Variants in XPO4 observed in about 807,000 individuals in gnomAD.
XPO4 encodes the protein exportin 4, also known as exportin-4.
Under a neutral mutation model 143.0 loss-of-function variants are expected in XPO4, and 39 were observed. The ratio of observed to expected loss-of-function variants is 0.27; its 90% confidence interval spans 0.21 to 0.36. The LOEUF is 0.36. Ranked by LOEUF, XPO4 falls within the 10% of genes least tolerant of loss-of-function variation. The pLI is 1.00. For missense variants in XPO4, 907 were observed against 1,348.0 expected (o/e 0.67, Z 5.12); for synonymous variants, 439 against 474.0 (o/e 0.93, Z 0.96).
At chr13:20,845,216 T>C (rs892939339) in intron 4 of XPO4, among the ~76,000 whole-genome samples, 1 of 152,170 alleles carries the variant, frequency 6.6e-6, no homozygotes, top group Non-Finnish European at 1.5e-5. Context: ...ATTTGCCTCT[T>C]AATCTCAACT....
chr13:20,849,393 A>G, intron 4 of XPO4: 2 of 984,984 alleles, frequency 2.0e-6, no homozygotes, highest in Non-Finnish European at 2.4e-6. Context: ...AAACAGCTTT[A>G]AAGTGATTTA....
chr13:20,870,713 G>A (rs368263065), intron 1 of XPO4, among the ~76,000 whole-genome samples: 8 of 145,584 alleles, frequency 5.5e-5, no homozygotes, highest in Admixed American at 3.4e-4. Flanking sequence ...CTAGGTGACA[G>A]AGTAAGACTC....
At chr13:20,888,538 G>C (rs1332339178) in intron 1 of XPO4, among the ~76,000 whole-genome samples, 1 of 151,946 alleles carries the variant, frequency 6.6e-6, no homozygotes, top group Non-Finnish European at 1.5e-5. Flanking sequence ...TTTATTTTTT[G>C]TAGAGACAGA....
chr13:20,826,826 G>A (rs1022341626), intron 7 of XPO4, among the ~76,000 whole-genome samples: 6 of 152,120 alleles, frequency 3.9e-5, no homozygotes, highest in African/African-American at 9.7e-5. Context: ...GAGTATAGAG[G>A]GGTCCTGAAA....
At chr13:20,786,707 A>G (rs2059211002) in intron 22 of XPO4, among the ~76,000 whole-genome samples, 1 of 152,154 alleles carries the variant, frequency 6.6e-6, no homozygotes, top group Admixed American at 6.5e-5. Flanking sequence ...GCTTTGGGGC[A>G]GTGACCATTG....
chr13:20,797,254 A>ATTC (rs2059371069), intron 16 of XPO4, among the ~76,000 whole-genome samples, 197 bp from the exon 17 acceptor site: 1 of 152,198 alleles, frequency 6.6e-6, no homozygotes, highest in South Asian at 2.1e-4. Context: ...AAGCCAGAAC[A>ATTC]CCCAAAGCAT....
chr13:20,832,238 G>A (rs1190412178), intron 6 of XPO4, among the ~76,000 whole-genome samples: 1 of 152,158 alleles, frequency 6.6e-6, no homozygotes, highest in Non-Finnish European at 1.5e-5. Context: ...TCTGTCTCAA[G>A]TTCTCATACA....
rs897873591 is a variant in XPO4, at chr13:20,809,724, G to A, written c.1350+67C>T. 30 of 1,486,030 alleles carry A rather than the reference G, an allele frequency of 2.0e-5. 1 individual carries two copies. In the African/African-American group the frequency reaches 3.5e-4, roughly 17 times the overall value. The allele number at this position is 1,486,030 out of a possible 1,614,324, so 92.1% of individuals were successfully genotyped here. ...TCCTAAATTTCTGGCATTATATAAT[G>A]TGTAACATGGTAAAATATAGCCTAT... is the stretch of plus-strand genomic sequence containing the variant. On this transcript the variant is annotated intron_variant, in intron 10 of 22. Coordinates refer to ENST00000255305, the MANE Select transcript of XPO4 (RefSeq NM_022459.5).
At chr13:20,833,354 C>T (rs2059876111) in intron 6 of XPO4, among the ~76,000 whole-genome samples, 1 of 152,102 alleles carries the variant, frequency 6.6e-6, no homozygotes, top group Non-Finnish European at 1.5e-5. Context: ...GGACTGGTTC[C>T]AGGACCTCCC....
chr13:20,873,759 T>C (rs756316218), intron 1 of XPO4, among the ~76,000 whole-genome samples: 3 of 152,206 alleles, frequency 2.0e-5, no homozygotes, highest in East Asian at 3.8e-4. Flanking sequence ...GCTCGTCTAG[T>C]AGCTGGGACT....
At chr13:20,825,011 C>A (rs1298863556) in intron 7 of XPO4, among the ~76,000 whole-genome samples, 1 of 152,010 alleles carries the variant, frequency 6.6e-6, no homozygotes, top group Non-Finnish European at 1.5e-5. Flanking sequence ...AAAGAGAGAG[C>A]CACAGGAAAG....
chr13:20,854,535 G>GAT, intron 4 of XPO4, among the ~76,000 whole-genome samples: 1 of 152,282 alleles, frequency 6.6e-6, no homozygotes, highest in African/African-American at 2.4e-5. Context: ...TCTTTAAAAT[G>GAT]ATTAAATAAA....
chr13:20,858,609 T>C lies in XPO4; in HGVS notation c.318-2844A>G, dbSNP rs140131004. Among the ~76,000 whole-genome samples the C allele has an allele frequency of 1.2e-3, 176 of 152,200 alleles. 1 individual carries two copies. The highest frequency in any genetic ancestry group is 1.9e-3 in the Non-Finnish European group (129 of 68,006). On this transcript the variant is annotated intron_variant, in intron 3 of 22. Coordinates refer to ENST00000255305, the MANE Select transcript of XPO4 (RefSeq NM_022459.5). ...TATGTAAGCCAGGTGTGGTGGCTCATGCCTGTAATCTTAGCACTTAGGGAG... is the reference window on the plus strand; with the variant it reads ...TATGTAAGCCAGGTGTGGTGGCTCACGCCTGTAATCTTAGCACTTAGGGAG...
chr13:20,787,651 A>T, intron 20 of XPO4, 53 bp from the exon 21 acceptor site: 1 of 1,504,044 alleles, frequency 6.6e-7, no homozygotes, highest in South Asian at 1.1e-5. Context: ...GATTTATAAA[A>T]GATAAAAAAA....
At chr13:20,835,810 C>T (rs151321954) in intron 6 of XPO4, among the ~76,000 whole-genome samples, 1 of 152,248 alleles carries the variant, frequency 6.6e-6, no homozygotes, top group Non-Finnish European at 1.5e-5. Flanking sequence ...CCACTTCTGT[C>T]TCTACTATCA....
At chr13:20,840,136 T>C (rs1174562849) in intron 6 of XPO4, among the ~76,000 whole-genome samples, 1 of 152,152 alleles carries the variant, frequency 6.6e-6, no homozygotes, top group African/African-American at 2.4e-5. Flanking sequence ...TCAAAATATT[T>C]AACACTAAAT....
At chr13:20,851,063 A>G (rs1168874266) in intron 4 of XPO4, 1 of 985,264 alleles carries the variant, frequency 1.0e-6, no homozygotes, top group Non-Finnish European at 1.2e-6. Context: ...CCTTTCTTAC[A>G]GAGGTTTTAA....
Position 20,868,657 on chromosome 13 carries a change from C to G in XPO4, c.114G>C (p.Glu38Asp). ...ATTTCCTAAATGATAAGAATATGTGCTCTGCATGCTGGCGTTGTTCATTAT... is the reference window on the plus strand; with the variant it reads ...ATTTCCTAAATGATAAGAATATGTGGTCTGCATGCTGGCGTTGTTCATTAT... ...MVNNEQRQHA[E>D]HIFLSFRKSK... The change falls in exon 2 of 23, where the codon GAG (glutamate) becomes GAC (aspartate). Residue 38 changes from glutamate (E) to aspartate (D), a missense_variant. Glu to Asp is a conservative substitution (Grantham distance 45, BLOSUM62 2). Coordinates refer to ENST00000255305, the MANE Select transcript of XPO4 (RefSeq NM_022459.5). The G allele has an allele frequency of 1.2e-6, 2 of 1,613,162 alleles. No individual in the cohort carries two copies. The highest frequency in any genetic ancestry group is 1.7e-6 in the Non-Finnish European group (2 of 1,179,550).
At chr13:20,895,109 C>G (rs1294867935) in intron 1 of XPO4, among the ~76,000 whole-genome samples, 2 of 149,636 alleles carry the variant, frequency 1.3e-5, no homozygotes, top group East Asian at 4.1e-4. Flanking sequence ...ACCCGGGAGG[C>G]AGGGGTGGCA....
Sources: allele counts gnomAD v4.1 joint callset (sites outside exome capture counted in the v4.1 genomes callset), GRCh38; gene constraint gnomAD v4.1.1; transcripts MANE v1.5; gene names NCBI Gene and HGNC (gene_info 2026-07-23, HGNC 2026-07-21).